FARP1: variants seen among roughly 807,000 people sequenced by gnomAD.
FARP1 encodes the protein FERM, ARHGEF and pleckstrin domain-containing protein 1.
In FARP1, 52 loss-of-function variants were observed where a neutral mutation model predicts 128.8. The ratio of observed to expected loss-of-function variants is 0.40; its 90% confidence interval spans 0.32 to 0.51. FARP1 has a LOEUF of 0.51. Ranked by LOEUF, FARP1 falls within the 20% of genes least tolerant of loss-of-function variation. The pLI, the probability that FARP1 is intolerant of heterozygous loss-of-function variation, is 0.45. For missense variants in FARP1, 1,333 were observed against 1,367.9 expected, an observed-to-expected ratio of 0.97 and a Z score of 0.40; for synonymous variants, 580 against 551.8, an observed-to-expected ratio of 1.05 and a Z score of -0.72.
chr13:98,415,972 C>T (rs536025546), intron 16 of FARP1, among the ~76,000 whole-genome samples: 23 of 152,348 alleles, frequency 1.5e-4, no homozygotes, highest in African/African-American at 5.3e-4. Flanking sequence ...CAGGGTGTTA[C>T]GCAAATGGCA....
At chr13:98,202,354 C>G (rs1236206602) in intron 1 of FARP1, among the ~76,000 whole-genome samples, 1 of 152,208 alleles carries the variant, frequency 6.6e-6, no homozygotes, top group East Asian at 1.9e-4. Flanking sequence ...ATGGCACATC[C>G]ACACTTCTTT....
At chr13:98,357,681 A>G (rs117616241) in intron 3 of FARP1, among the ~76,000 whole-genome samples, 1 of 152,158 alleles carries the variant, frequency 6.6e-6, no homozygotes, top group Non-Finnish European at 1.5e-5. Flanking sequence ...TTCTCTATGG[A>G]GTCTGTCATT....
chr13:98,283,471 G>T (rs1379012360), intron 2 of FARP1, among the ~76,000 whole-genome samples: 1 of 152,154 alleles, frequency 6.6e-6, no homozygotes, highest in African/African-American at 2.4e-5. Flanking sequence ...TTGCAGAGAG[G>T]CAGGATAATA....
intron 26 of FARP1, 117 bp from the exon 27 acceptor site, chr13:98,448,119 G>A (rs867846957): frequency 1.2e-6 from 1 of 814,870 alleles, no homozygotes; most frequent in South Asian, 1.5e-5. Context: ...CTGCTGAAGT[G>A]GCAGATTACC....
In FARP1 at chr13:98,388,413, G is replaced by A; in HGVS notation, c.790G>A (p.Ala264Thr). 1 of 1,614,062 alleles carries A rather than the reference G, an allele frequency of 6.2e-7. No homozygotes were observed. Among genetic ancestry groups the A allele is most frequent in the Non-Finnish European group, 8.5e-7 (1 of 1,179,934 alleles). The change falls in exon 9 of 27, where the codon GCC (alanine) becomes ACC (threonine). Residue 264 changes from alanine to threonine, a missense_variant. By Grantham distance (58) the Ala-to-Thr change is moderately conservative. Coordinates refer to ENST00000319562, the MANE Select transcript of FARP1 (RefSeq NM_005766.4). ...CACTAAGATCAATGCCTTCAACTGG[G>A]CCAAGGTGCGGAAGCTGAGCTTCAA... is the stretch of plus-strand genomic sequence containing the variant. Reference protein sequence around the residue: ...GFTKINAFNWAKVRKLSFKRK... With the variant: ...GFTKINAFNWTKVRKLSFKRK...
chr13:98,144,166 A>T (rs1460412753), intron 1 of FARP1, among the ~76,000 whole-genome samples: 1 of 151,912 alleles, frequency 6.6e-6, no homozygotes, highest in East Asian at 1.9e-4. Context: ...AGTTCCGGAA[A>T]CTTTAGCTGT....
intron 17 of FARP1, 86 bp from the exon 18 acceptor site, chr13:98,430,957 G>A (rs1273547237): frequency 1.4e-5 from 11 of 770,738 alleles, no homozygotes; most frequent in East Asian, 7.4e-5. Flanking sequence ...GTGCAGGAGC[G>A]CTTCATTTCC....
chr13:98,327,716 C>T, intron 2 of FARP1, among the ~76,000 whole-genome samples: 1 of 152,306 alleles, frequency 6.6e-6, no homozygotes, highest in African/African-American at 2.4e-5. Flanking sequence ...ATTGCTGTCA[C>T]TCTGGACACG....
chr13:98,401,750 C>T (rs1350855582), intron 13 of FARP1: 2 of 151,566 alleles, frequency 1.3e-5, no homozygotes, highest in Non-Finnish European at 2.9e-5. Context: ...TTATTTAACC[C>T]CTAGTGAAAG....
chr13:98,269,524 T>C (rs1884289817), intron 2 of FARP1, among the ~76,000 whole-genome samples: 1 of 152,186 alleles, frequency 6.6e-6, no homozygotes, highest in Non-Finnish European at 1.5e-5. Context: ...CCCTATGAAA[T>C]TGATGGGGCA....
At chr13:98,177,153 T>C in intron 1 of FARP1, 1 of 1,607,514 alleles carries the variant, frequency 6.2e-7, no homozygotes, top group South Asian at 1.1e-5. Flanking sequence ...CTGCAGCCCC[T>C]TTCCGTCCAG....
intron 3 of FARP1, among the ~76,000 whole-genome samples, chr13:98,348,789 C>T (rs1273933565): frequency 2.6e-5 from 4 of 152,146 alleles, no homozygotes; most frequent in African/African-American, 4.8e-5. Context: ...ATCTCTGCTT[C>T]GGACCTGTGC....
intron 2 of FARP1, among the ~76,000 whole-genome samples, chr13:98,225,281 A>G (rs1186893399): frequency 6.6e-6 from 1 of 152,156 alleles, no homozygotes; most frequent in East Asian, 1.9e-4. Flanking sequence ...ACTTGATTTC[A>G]GTTGCATTTC....
intron 1 of FARP1, among the ~76,000 whole-genome samples, chr13:98,195,871 A>T (rs1186662135): frequency 6.6e-6 from 1 of 152,050 alleles, no homozygotes; most frequent in East Asian, 1.9e-4. Flanking sequence ...CAAAAATTTT[A>T]AAAAATTCGC....
intron 1 of FARP1, among the ~76,000 whole-genome samples, chr13:98,212,444 C>T (rs1312807239): frequency 1.3e-5 from 2 of 152,114 alleles, no homozygotes; most frequent in South Asian, 2.1e-4. Context: ...CAGCAAGCCA[C>T]GCATGTGGAG....
In FARP1 at chr13:98,436,325, AG is replaced by A. The variant is rs575726236; in HGVS notation, c.2274+621del. Among the ~76,000 whole-genome samples the A allele has an allele frequency of 4.6e-5, 7 of 152,272 alleles. No individual in the cohort carries two copies. In the East Asian group the frequency reaches 1.3e-3, roughly 29 times the overall value. On this transcript the variant is annotated intron_variant, in intron 19 of 26. Coordinates refer to ENST00000319562, the MANE Select transcript of FARP1 (RefSeq NM_005766.4). ...TCCTTCCAGGCCAGTGACAATGTGGAGGACAGGAACAAAGCCTGCCTTCTCC... is the reference window on the plus strand; with the variant it reads ...TCCTTCCAGGCCAGTGACAATGTGGAGACAGGAACAAAGCCTGCCTTCTCC...
At chr13:98,150,064 G>A (rs1397076903) in intron 1 of FARP1, among the ~76,000 whole-genome samples, 1 of 150,316 alleles carries the variant, frequency 6.7e-6, no homozygotes, top group Non-Finnish European at 1.5e-5. Flanking sequence ...TTGAGACGGA[G>A]TCTCACTCTG....
intron 2 of FARP1, among the ~76,000 whole-genome samples, chr13:98,322,039 T>A (rs1887015174): frequency 6.6e-6 from 1 of 152,234 alleles, no homozygotes; most frequent in Non-Finnish European, 1.5e-5. Context: ...GGCTCACGCC[T>A]TTAGTCCCAG....
chr13:98,414,965 A>C (rs1891321845), intron 16 of FARP1, among the ~76,000 whole-genome samples: 1 of 152,208 alleles, frequency 6.6e-6, no homozygotes, highest in Non-Finnish European at 1.5e-5. Context: ...GAAACAATGG[A>C]GTGAATTTCC....
Sources: gnomAD v4.1 joint callset for allele counts (sites outside exome capture counted in the v4.1 genomes callset) on GRCh38, gnomAD v4.1.1 for gene constraint, MANE v1.5 for transcripts, NCBI Gene and HGNC (gene_info 2026-07-23, HGNC 2026-07-21) for gene names.